Variants in GPR35 observed in about 807,000 individuals in gnomAD.
GPR35 encodes G protein-coupled receptor 35.
For synonymous variants in GPR35, 207 were observed against 198.4 expected (o/e 1.04, Z -0.36); for missense variants, 372 against 422.5 (o/e 0.88, Z 1.05).
Position 240,631,056 on chromosome 2 carries a change from G to C in GPR35, c.*174G>C, listed in dbSNP as rs2125490845. ...CCAGGTACCTGCTCTCTTGGGAAGA[G>C]AGAGGGACAGGGACAAGGGCAAGAG... On this transcript the variant is annotated 3_prime_UTR_variant, in exon 2 of 2. Coordinates refer to ENST00000407714, the MANE Select transcript of GPR35 (RefSeq NM_005301.5). 1 of 627,978 alleles carries C rather than the reference G, an allele frequency of 1.6e-6. No homozygotes were observed. Among genetic ancestry groups the C allele is most frequent in the East Asian group, 2.8e-5 (1 of 36,362 alleles). 38.9% of individuals were successfully genotyped at this position (627,978 alleles called of 1,614,324 possible). A position where few individuals can be genotyped will look rare whatever the true frequency, so the allele number is the denominator to read the frequency against.
chr2:240,624,697 CT>C, upstream of GPR35, among the ~76,000 whole-genome samples: 1 of 152,322 alleles, frequency 6.6e-6, no homozygotes, highest in East Asian at 1.9e-4. Flanking sequence ...GGAGACGAGG[CT>C]CCTGCCCTCA....
intron 1 of GPR35, among the ~76,000 whole-genome samples, chr2:240,625,999 G>C (rs183095561): frequency 1.5e-3 from 37 of 24,696 alleles, no homozygotes; most frequent in Admixed American, 4.2e-3. Flanking sequence ...GGGTGAGGCT[G>C]TGATGGGGTC....
At position 240,632,943 on chromosome 2, in the gene GPR35, G is replaced by C. The variant is rs1424469604; in HGVS notation, c.*2061G>C. The stretch of plus-strand genomic sequence containing the variant: ...GACCAGGTGGAGGCAATTGGATCAT[G>C]GGGGCTGTTTCCCACATGCTGTTCT... On this transcript the variant is annotated 3_prime_UTR_variant, in exon 2 of 2. Transcript: ENST00000407714. Among the ~76,000 whole-genome samples, 1 of 152,220 alleles carries C rather than the reference G, an allele frequency of 6.6e-6. No individual in the cohort carries two copies. The highest frequency in any genetic ancestry group is 2.4e-5 in the African/African-American group (1 of 41,462).
chr2:240,627,765 G>T (rs1001241517), intron 1 of GPR35: 1 of 148,762 alleles, frequency 6.7e-6, no homozygotes, highest in Non-Finnish European at 1.5e-5. Context: ...ATGAGCCACC[G>T]TGCCTGCCTG....
At position 240,631,533 on chromosome 2, in the gene GPR35, G is replaced by A. The variant is rs78486705; in HGVS notation, c.*651G>A. Among the ~76,000 whole-genome samples, 41 of 152,130 alleles carry A rather than the reference G, an allele frequency of 2.7e-4. No individual in the cohort carries two copies. In the East Asian group the frequency reaches 5.4e-3, roughly 20 times the overall value. On this transcript the variant is annotated 3_prime_UTR_variant, in exon 2 of 2. Coordinates refer to ENST00000407714, the MANE Select transcript of GPR35 (RefSeq NM_005301.5). ...GATCTCCATGTAGGGGCTGCACAGC[G>A]GTGCAAGGGGGGGTGACCAAGGTCA...
chr2:240,630,045 G>A lies in GPR35; in HGVS notation c.93G>A (p.Leu31=). Residue 31 remains leucine, a synonymous_variant, in exon 2 of 2, where the codon CTG becomes CTA. Transcript: ENST00000407714. ...TCTACGCCTACTTGGGCGTCCTGCT[G>A]GTGCTAGGCCTGCTGCTCAACAGCC... ...LGFYAYLGVL[L]VLGLLLNSLA... is the part of the protein sequence containing the mutation. 6.2e-7 allele frequency: 1 copy of A among 1,612,618 alleles called. No homozygotes were observed. The highest frequency in any genetic ancestry group is 8.5e-7 in the Non-Finnish European group (1 of 1,179,918).
intron 3 of GPR35, chr2:240,616,651 AC>A (rs368490660): frequency 3.1e-6 from 2 of 640,180 alleles, no homozygotes; most frequent in Non-Finnish European, 2.8e-6. Flanking sequence ...CTGCCAAGAG[AC>A]CCCCCAGTGG....
exon 4 of GPR35, chr2:240,617,148 GC>G: frequency 1.4e-6 from 1 of 714,736 alleles, no homozygotes; most frequent in Non-Finnish European, 2.6e-6. Flanking sequence ...TGAGACTGCA[GC>G]CCCGGCTGAC....
chr2:240,614,928 G>C (rs1444931270), intron 2 of GPR35, among the ~76,000 whole-genome samples: 1 of 149,856 alleles, frequency 6.7e-6, no homozygotes, highest in Non-Finnish European at 1.5e-5. Context: ...ATATGCATTT[G>C]TGTGTGCTTG....
chr2:240,625,524 A>G lies in GPR35; in HGVS notation c.-49A>G. 1.0e-6 allele frequency: 1 copy of G among 985,990 alleles called. No homozygotes were observed. The highest frequency in any genetic ancestry group is 1.2e-6 in the Non-Finnish European group (1 of 830,346). The allele number at this position is 985,990 out of a possible 1,614,324, so 61.1% of individuals were successfully genotyped here. A position where few individuals can be genotyped will look rare whatever the true frequency, so the allele number is the denominator to read the frequency against. Reference sequence around the variant, plus strand: ...AGACAGCCACTGTGCAGGCTTTGGCAGCGGGGGTCACACACTCCACCCGGG... The same window carrying G: ...AGACAGCCACTGTGCAGGCTTTGGCGGCGGGGGTCACACACTCCACCCGGG... On this transcript the variant is annotated 5_prime_UTR_variant, in exon 1 of 2. Transcript: ENST00000407714.
chr2:240,621,764 G>A (rs764861389), upstream of GPR35, among the ~76,000 whole-genome samples: 31 of 152,216 alleles, frequency 2.0e-4, no homozygotes, highest in Non-Finnish European at 3.2e-4. Context: ...GCAGGGTGTC[G>A]TCAGAAAGCA....
Position 240,630,443 on chromosome 2 carries a change from G to C in GPR35, c.491G>C (p.Arg164Thr). 1 of 1,612,836 alleles carries C rather than the reference G, an allele frequency of 6.2e-7. No homozygotes were observed. Among genetic ancestry groups the C allele is most frequent in the Non-Finnish European group, 8.5e-7 (1 of 1,179,962 alleles). The change falls in exon 2 of 2, where the codon AGG becomes ACG. Residue 164 changes from arginine (R) to threonine (T), a missense_variant. Transcript: ENST00000407714. ...LGIQEGGFCF[R>T]STRHNFNSMA... ...ATTCAGGAGGGCGGCTTCTGCTTCA[G>C]GAGCACCCGGCACAATTTCAACTCC...
rs1186997260 is a variant in GPR35 at position 240,625,588 on chromosome 2, CT to C, written c.-5+21del. 3.1e-6 allele frequency: 3 copies of C among 975,222 alleles called. No individual in the cohort carries two copies. Among genetic ancestry groups the C allele is most frequent in the Non-Finnish European group, 3.6e-6 (3 of 823,180 alleles). 60.4% of individuals were successfully genotyped at this position (975,222 alleles called of 1,614,324 possible). On this transcript the variant is annotated intron_variant, in intron 1 of 1. Coordinates refer to ENST00000407714, the MANE Select transcript of GPR35 (RefSeq NM_005301.5). ...CTGCAGGTCAGTGCCGCCCACTGCC[CT>C]AGGGGCCTCCCAGCGGGGCAGGGGC...
intron 1 of GPR35, 102 bp from the exon 2 acceptor site, chr2:240,629,847 C>CA: frequency 1.0e-6 from 1 of 1,003,600 alleles, no homozygotes; most frequent in Non-Finnish European, 1.5e-6. Context: ...GGTCGGGGCT[C>CA]ACCTCCTCCC....
At chr2:240,606,082 A>G (rs1366180017) in intron 1 of GPR35, among the ~76,000 whole-genome samples, 1 of 152,122 alleles carries the variant, frequency 6.6e-6, no homozygotes, top group Non-Finnish European at 1.5e-5. Flanking sequence ...AAACCCGGCC[A>G]TTCCTCTCTA....
chr2:240,618,754 T>TA (rs2043263299), intron 4 of GPR35: 2 of 457,966 alleles, frequency 4.4e-6, no homozygotes, highest in Non-Finnish European at 7.7e-6. Flanking sequence ...TTGTAAAACA[T>TA]ACAGCTGATG....
intron 2 of GPR35, among the ~76,000 whole-genome samples, chr2:240,609,407 A>AT (rs2043163300): frequency 6.6e-6 from 1 of 152,126 alleles, no homozygotes; most frequent in East Asian, 1.9e-4. Context: ...GGAAAGTTGC[A>AT]TTTTTATCAT....
chr2:240,617,494 G>C, intron 4 of GPR35: 2 of 474,210 alleles, frequency 4.2e-6, no homozygotes, highest in South Asian at 5.3e-5. Context: ...GGTTTGCAAA[G>C]TAGTGATATT....
upstream of GPR35, among the ~76,000 whole-genome samples, chr2:240,623,337 GGTCGTGAGGGCGCAAACAGGTC>G (rs1559437502): frequency 2.8e-5 from 4 of 145,014 alleles, 1 homozygote; most frequent in Non-Finnish European, 4.6e-5. Context: ...GGCGCAAACA[GGTCGTGAGGGCGCAAACAGGTC>G]GTGAGGGCGC....
Sources: allele counts gnomAD v4.1 joint callset (sites outside exome capture counted in the v4.1 genomes callset), GRCh38; gene constraint gnomAD v4.1.1; transcripts MANE v1.5; gene names NCBI Gene and HGNC (gene_info 2026-07-23, HGNC 2026-07-21).